Variants in CKAP5 observed in about 807,000 individuals in gnomAD.
CKAP5 encodes the protein cytoskeleton associated protein 5.
CKAP5 carries 27 observed loss-of-function variants against 232.8 expected under a neutral mutation model. That is an observed-to-expected ratio of 0.12 (90% confidence interval 0.09 to 0.16). The LOEUF is 0.16. CKAP5 is among the 10% of genes least tolerant of loss of function. The pLI, the probability that CKAP5 is intolerant of heterozygous loss-of-function variation, is 1.00. For synonymous variants in CKAP5, 785 were observed against 841.1 expected (o/e 0.93, Z 1.16); for missense variants, 1,838 against 2,424.7 (o/e 0.76, Z 5.08).
chr11:46,837,862 T>G (rs1025004294), intron 1 of CKAP5, among the ~76,000 whole-genome samples: 2 of 152,168 alleles, frequency 1.3e-5, no homozygotes, highest in African/African-American at 4.8e-5. Context: ...GACAAGAATT[T>G]CAAATAAATT....
chr11:46,783,403 C>T, intron 17 of CKAP5, 35 bp from the exon 18 acceptor site: 3 of 1,286,882 alleles, frequency 2.3e-6, no homozygotes, highest in Non-Finnish European at 2.2e-6. Context: ...TGTGTTTTAT[C>T]TCGTATTTCT....
At chr11:46,752,287 AC>A (rs1290637004) in intron 38 of CKAP5, among the ~76,000 whole-genome samples, 1 of 147,080 alleles carries the variant, frequency 6.8e-6, no homozygotes, top group African/African-American at 2.5e-5. Context: ...ATACATATAT[AC>A]ATATATATAA....
intron 3 of CKAP5, among the ~76,000 whole-genome samples, chr11:46,817,552 G>A (rs528177407): frequency 3.3e-5 from 5 of 152,232 alleles, no homozygotes; most frequent in Admixed American, 1.3e-4. Flanking sequence ...TTTTACTAAC[G>A]GTAAAGGAAA....
chr11:46,802,553 G>C (rs200234728), intron 8 of CKAP5, among the ~76,000 whole-genome samples: 2,782 of 142,292 alleles, frequency 0.02, 34 homozygotes, highest in Middle Eastern at 0.053. Context: ...CAGACAGACA[G>C]ACAGACACAC....
chr11:46,760,245 C>A, intron 33 of CKAP5: 1 of 343,624 alleles, frequency 2.9e-6, no homozygotes, highest in Non-Finnish European at 5.7e-6. Flanking sequence ...ACCCTCTACC[C>A]TGATTATAAA....
chr11:46,838,322 T>C (rs770765267), intron 1 of CKAP5, among the ~76,000 whole-genome samples: 11 of 152,138 alleles, frequency 7.2e-5, no homozygotes, highest in Non-Finnish European at 1.3e-4. Context: ...TTGAGACTGT[T>C]AAGATACTGC....
At chr11:46,746,393 T>A (rs553922998) in intron 42 of CKAP5, among the ~76,000 whole-genome samples, 1 of 152,304 alleles carries the variant, frequency 6.6e-6, no homozygotes, top group South Asian at 2.1e-4. Context: ...CTGCATTCAT[T>A]TATATCATTT....
intron 32 of CKAP5, 115 bp downstream of exon 32, chr11:46,761,885 T>C (rs61884328): frequency 0.084 from 62,587 of 743,750 alleles, 2,688 homozygotes; most frequent in Non-Finnish European, 0.091. Context: ...ATAGGTTGAG[T>C]TGACTAAAAA....
At chr11:46,749,428 C>A (rs2065045935) in intron 42 of CKAP5, among the ~76,000 whole-genome samples, 1 of 137,458 alleles carries the variant, frequency 7.3e-6, no homozygotes, top group South Asian at 2.2e-4. Flanking sequence ...GCACCCCAGC[C>A]TGGGTGACAG....
At chr11:46,828,835 T>C (rs1317929882) in intron 1 of CKAP5, among the ~76,000 whole-genome samples, 1 of 151,718 alleles carries the variant, frequency 6.6e-6, no homozygotes, top group African/African-American at 2.4e-5. Flanking sequence ...GAAAGTAGAA[T>C]GGTAGTAACC....
At chr11:46,767,378 AG>A (rs1375464542) in intron 27 of CKAP5, among the ~76,000 whole-genome samples, 196 bp downstream of exon 27, 1 of 152,226 alleles carries the variant, frequency 6.6e-6, no homozygotes, top group African/African-American at 2.4e-5. Context: ...GGAAGATGAC[AG>A]CACCTCTTGA....
intron 3 of CKAP5, 118 bp downstream of exon 3, chr11:46,818,192 A>T (rs540524881): frequency 1.4e-6 from 1 of 703,240 alleles, no homozygotes; most frequent in Non-Finnish European, 2.1e-6. Flanking sequence ...AAACTACGAA[A>T]GTAAGAAAAT....
In CKAP5 at chr11:46,827,598, A is replaced by G. The variant is rs575457072; in HGVS notation, c.-37-6330T>C. On this transcript the variant is annotated intron_variant, in intron 1 of 43. Transcript: ENST00000529230. ...ACTGCACCACAGCACTCCACCCTGAACAACTAACCAAAACCATACCTCTAT... is the reference window on the plus strand; with the variant it reads ...ACTGCACCACAGCACTCCACCCTGAGCAACTAACCAAAACCATACCTCTAT... Among the ~76,000 whole-genome samples, 11 of 152,242 alleles carry G rather than the reference A, an allele frequency of 7.2e-5. No individual in the cohort carries two copies. The East Asian group carries it at 2.1e-3, about 29-fold the overall frequency.
At position 46,770,807 on chromosome 11, in the gene CKAP5, T is replaced by C; in HGVS notation, c.3167A>G (p.Lys1056Arg). 8 of 1,613,980 alleles carry C rather than the reference T, an allele frequency of 5.0e-6. No homozygotes were observed. Among genetic ancestry groups the C allele is most frequent in the Non-Finnish European group, 6.8e-6 (8 of 1,179,974 alleles). ...TAGTACCTTTAGTTTCCCAGTAGCC[T>C]TGGCCATTTTTTCATATCCTAAATG... ...MMHLGYEKMA[K>R]ATGKLKPTSK... The change falls in exon 25 of 44, where the codon AAG (lysine) becomes AGG (arginine). Residue 1056 changes from lysine (K) to arginine (R), a missense_variant. By Grantham distance (26) the Lys-to-Arg change is conservative (BLOSUM62 2). Around this residue, in one of 6 missense-constraint regions of CKAP5, gnomAD observed 767 missense variants for 954.6 expected, o/e 0.80. Transcript: ENST00000529230.
At chr11:46,770,727 C>T (rs1336517132) in intron 25 of CKAP5, 61 bp downstream of exon 25, 29 of 1,493,256 alleles carry the variant, frequency 1.9e-5, no homozygotes, top group Non-Finnish European at 2.5e-5. Flanking sequence ...CCGTGCCAGG[C>T]CCATGTTAAA....
intron 4 of CKAP5, among the ~76,000 whole-genome samples, chr11:46,812,659 A>T (rs1939304491): frequency 6.6e-6 from 1 of 151,912 alleles, no homozygotes; most frequent in South Asian, 2.1e-4. Context: ...TTTTTTGGAG[A>T]CAGGGTCTCA....
intron 2 of CKAP5, among the ~76,000 whole-genome samples, chr11:46,818,890 G>A (rs1308298292): frequency 1.3e-5 from 2 of 152,040 alleles, no homozygotes; most frequent in Non-Finnish European, 2.9e-5. Context: ...TTCTATTTTT[G>A]TATAATCATT....
Position 46,792,100 on chromosome 11 carries a change from C to T in CKAP5, c.1651-1517G>A, listed in dbSNP as rs1938741970. Among the ~76,000 whole-genome samples, 4 of 152,138 alleles carry T rather than the reference C, an allele frequency of 2.6e-5. No homozygotes were observed. The South Asian group carries it at 8.3e-4, about 32-fold the overall frequency. ...CCCCATAAAAGGATTTGCATTCTAA[C>T]CCTAAAAATGGAAAATTCTGTACTC... On this transcript the variant is annotated intron_variant, in intron 13 of 43. Coordinates refer to ENST00000529230, the MANE Select transcript of CKAP5 (RefSeq NM_001008938.4).
At chr11:46,796,558 T>C (rs1366195960) in intron 12 of CKAP5, among the ~76,000 whole-genome samples, 1 of 152,144 alleles carries the variant, frequency 6.6e-6, no homozygotes, top group East Asian at 1.9e-4. Context: ...GAGGATGAAA[T>C]AAATTTCCTG....
Sources: gnomAD v4.1 joint callset for allele counts (sites outside exome capture counted in the v4.1 genomes callset) on GRCh38, gnomAD v4.1.1 for gene constraint, gnomAD v4.1.1 regional missense constraint, MANE v1.5 for transcripts, NCBI Gene and HGNC (gene_info 2026-07-23, HGNC 2026-07-21) for gene names.